Variants in LEPR observed in about 807,000 individuals in gnomAD.
The protein encoded by LEPR is OB receptor.
Under a neutral mutation model 114.7 loss-of-function variants are expected in LEPR, and 56 were observed. That is an observed-to-expected ratio of 0.49 (90% CI 0.39 to 0.61). The LOEUF (loss-of-function observed/expected upper bound fraction) is 0.61. Ranked by LOEUF, LEPR falls within the 20% of genes least tolerant of loss-of-function variation. The pLI is 0.00. For synonymous variants in LEPR, 443 were observed against 461.4 expected, an observed-to-expected ratio of 0.96 and a Z score of 0.51; for missense variants, 1,202 against 1,352.9, an observed-to-expected ratio of 0.89 and a Z score of 1.75.
chr1:65,460,132 A>G (rs1424927939), intron 2 of LEPR, among the ~76,000 whole-genome samples: 1 of 151,964 alleles, frequency 6.6e-6, no homozygotes, highest in Admixed American at 6.6e-5. Context: ...TCTATATTAC[A>G]TATCAGCAAT....
In LEPR at chr1:65,553,590, C is replaced by A. The variant is rs570220721; in HGVS notation, c.-20-11956C>A. On this transcript the variant is annotated intron_variant, in intron 2 of 19. Transcript: ENST00000349533. ...CAGGTCATTTATGTTCTTCTATATA[C>A]TGGTTTTTCTAGTTCGCAATTCCTC... Among the ~76,000 whole-genome samples the A allele has an allele frequency of 5.3e-5, 8 of 152,160 alleles. 1 individual carries two copies. The South Asian group carries it at 1.0e-3, about 20-fold the overall frequency.
chr1:65,575,425 A>G (rs1375153465), intron 5 of LEPR, among the ~76,000 whole-genome samples: 1 of 150,664 alleles, frequency 6.6e-6, no homozygotes, highest in East Asian at 2.0e-4. Context: ...TTATAACTTC[A>G]TGCTTTCACT....
chr1:65,446,910 C>T (rs1426780042), intron 2 of LEPR, among the ~76,000 whole-genome samples: 3 of 152,028 alleles, frequency 2.0e-5, no homozygotes, highest in East Asian at 1.9e-4. Context: ...TGGCTCACTG[C>T]AGCCTCAACC....
chr1:65,472,994 G>A (rs542615878), intron 2 of LEPR, among the ~76,000 whole-genome samples: 7 of 152,186 alleles, frequency 4.6e-5, no homozygotes, highest in African/African-American at 1.7e-4. Flanking sequence ...TGCCCCCAGG[G>A]ATGGAAGTTT....
At chr1:65,552,117 T>A (rs1232335198) in intron 2 of LEPR, among the ~76,000 whole-genome samples, 1 of 152,204 alleles carries the variant, frequency 6.6e-6, no homozygotes, top group Admixed American at 6.5e-5. Context: ...AGGAGTGTTT[T>A]ACTTCCAATT....
At chr1:65,566,404 C>T (rs537653785) in intron 3 of LEPR, among the ~76,000 whole-genome samples, 78 of 152,122 alleles carry the variant, frequency 5.1e-4, no homozygotes, top group African/African-American at 1.8e-3. Context: ...GGTTTCACTG[C>T]GTTGGCCAGA....
intron 5 of LEPR, among the ~76,000 whole-genome samples, chr1:65,584,584 G>C (rs2100862731): frequency 6.6e-6 from 1 of 152,122 alleles, no homozygotes; most frequent in East Asian, 1.9e-4. Flanking sequence ...TTACTTATTT[G>C]CTCAGTGCTA....
intron 2 of LEPR, among the ~76,000 whole-genome samples, chr1:65,527,887 A>G (rs1462134226): frequency 2.0e-5 from 3 of 152,172 alleles, no homozygotes; most frequent in Non-Finnish European, 4.4e-5. Context: ...GAACTCAAAT[A>G]TACCCTGGTT....
intron 2 of LEPR, chr1:65,494,292 A>G (rs374482183): frequency 6.6e-6 from 1 of 152,176 alleles, no homozygotes; most frequent in Non-Finnish European, 1.5e-5. Flanking sequence ...ATAGGCCTAT[A>G]TACTTACACA....
chr1:65,580,060 T>C (rs1362777937), intron 5 of LEPR, among the ~76,000 whole-genome samples: 1 of 152,216 alleles, frequency 6.6e-6, no homozygotes, highest in African/African-American at 2.4e-5. Context: ...GTAAAACCTG[T>C]CATAATTTCA....
chr1:65,481,262 T>A (rs1183543083), intron 2 of LEPR, among the ~76,000 whole-genome samples: 1 of 152,146 alleles, frequency 6.6e-6, no homozygotes, highest in African/African-American at 2.4e-5. Flanking sequence ...CTAAATACAG[T>A]CACAATTCGA....
intron 5 of LEPR, chr1:65,577,890 A>G (rs1272645066): frequency 6.6e-6 from 1 of 150,612 alleles, no homozygotes; most frequent in East Asian, 1.9e-4. Flanking sequence ...TGCGTGTGCC[A>G]TGGTGGTTTG....
chr1:65,452,490 G>C lies in LEPR; in HGVS notation c.-21+27112G>C, dbSNP rs561785309. 3.4e-4 allele frequency among the ~76,000 whole-genome samples: 51 copies of C among 151,126 alleles called. 1 individual carries two copies. Among genetic ancestry groups the C allele is most frequent in the African/African-American group, 1.0e-3 (42 of 41,060 alleles). On this transcript the variant is annotated intron_variant, in intron 2 of 19. Transcript: ENST00000349533. ...TTTATTGAGAGTTTTTAGCATGAAG[G>C]GTTGTTGAATTTTGTCAAATGCCTT...
chr1:65,602,111 A>G (rs1323302434), intron 10 of LEPR, 151 bp downstream of exon 10: 2 of 744,122 alleles, frequency 2.7e-6, no homozygotes, highest in Admixed American at 4.0e-5. Flanking sequence ...GAGGGATTAT[A>G]TAAATTGGTG....
intron 2 of LEPR, chr1:65,435,079 C>T (rs1035906574): frequency 9.5e-5 from 94 of 985,282 alleles, no homozygotes; most frequent in Non-Finnish European, 1.0e-4. Flanking sequence ...AAGAAAGATT[C>T]CAGCAGCTTA....
chr1:65,455,825 T>A (rs1354217329), intron 2 of LEPR, among the ~76,000 whole-genome samples: 3 of 152,164 alleles, frequency 2.0e-5, no homozygotes, highest in Non-Finnish European at 4.4e-5. Context: ...TCGAGCTTCC[T>A]GGCTGCTTTG....
At chr1:65,566,099 C>T (rs1236420196) in intron 3 of LEPR, among the ~76,000 whole-genome samples, 4 of 151,824 alleles carry the variant, frequency 2.6e-5, no homozygotes, top group Admixed American at 2.6e-4. Context: ...TCTATTTGAC[C>T]AATTCCTGAT....
At chr1:65,464,667 G>A (rs1017368010) in intron 2 of LEPR, among the ~76,000 whole-genome samples, 2 of 152,002 alleles carry the variant, frequency 1.3e-5, no homozygotes, top group African/African-American at 2.4e-5. Flanking sequence ...GACTTTTTTT[G>A]GTTGATAGGC....
intron 18 of LEPR, 42 bp downstream of exon 18, chr1:65,621,500 T>C: frequency 6.5e-7 from 1 of 1,537,612 alleles, no homozygotes; most frequent in Non-Finnish European, 9.0e-7. Context: ...CAAAAGTCCT[T>C]ACGCGTATTC....
Sources: allele counts gnomAD v4.1 joint callset (sites outside exome capture counted in the v4.1 genomes callset), GRCh38; gene constraint gnomAD v4.1.1; transcripts MANE v1.5; gene names NCBI Gene and HGNC (gene_info 2026-07-23, HGNC 2026-07-21).